CDH12: variants seen among roughly 807,000 people sequenced by gnomAD.
The protein encoded by CDH12 is cadherin-12.
CDH12 carries 41 observed loss-of-function variants against 74.1 expected under a neutral mutation model. That is an observed-to-expected ratio of 0.55 (90% CI 0.43 to 0.72). The LOEUF (loss-of-function observed/expected upper bound fraction) is 0.72. Among genes scored for constraint, CDH12 ranks in the 30% least tolerant of loss-of-function variants. CDH12 has a pLI of 0.00. For missense variants in CDH12, 945 were observed against 977.2 expected (o/e 0.97, Z 0.44); for synonymous variants, 399 against 355.0 (o/e 1.12, Z -1.39).
intron 3 of CDH12, among the ~76,000 whole-genome samples, chr5:22,376,231 C>T (rs2126363586): frequency 6.6e-6 from 1 of 152,134 alleles, no homozygotes; most frequent in African/African-American, 2.4e-5. Flanking sequence ...TTGTCACTCA[C>T]ATGTGGGAGT....
At chr5:22,164,417 T>C (rs189132778) in intron 4 of CDH12, among the ~76,000 whole-genome samples, 11,273 of 152,268 alleles carry the variant, frequency 0.074, 499 homozygotes, top group South Asian at 0.15. Context: ...GGCGCCTCGC[T>C]GAATCAGGAG....
intron 7 of CDH12, among the ~76,000 whole-genome samples, chr5:21,848,016 A>C (rs10473562): frequency 0.13 from 20,257 of 152,098 alleles, 1,484 homozygotes; most frequent in African/African-American, 0.2. Context: ...TTAGTAAAAT[A>C]AATAAAGTAG....
chr5:21,824,238 G>T (rs6452004), intron 8 of CDH12, among the ~76,000 whole-genome samples: 36,574 of 151,806 alleles, frequency 0.24, 5,006 homozygotes, highest in East Asian at 0.4. Flanking sequence ...TTCCTGGGGT[G>T]TTTTCACCTC....
At chr5:22,852,901 A>T (rs958797523) in intron 1 of CDH12, among the ~76,000 whole-genome samples, 157 bp downstream of exon 1, 5 of 152,180 alleles carry the variant, frequency 3.3e-5, no homozygotes, top group Non-Finnish European at 5.9e-5. Context: ...AAAACCACGC[A>T]CAAGCTCCTA....
chr5:22,713,132 CTTTTTTTTTTTTTT>C (rs70959753), intron 1 of CDH12, among the ~76,000 whole-genome samples: 6 of 61,160 alleles, frequency 9.8e-5, no homozygotes, highest in African/African-American at 1.9e-4. Context: ...TATGCTAATT[CTTTTTTTTTTTTTT>C]TTTTTTTTTT....
chr5:22,542,290 T>C (rs2126720646), intron 1 of CDH12, among the ~76,000 whole-genome samples: 1 of 152,304 alleles, frequency 6.6e-6, no homozygotes, highest in East Asian at 1.9e-4. Flanking sequence ...TTTAAAAAAT[T>C]GGTCAGTAAT....
intron 3 of CDH12, among the ~76,000 whole-genome samples, chr5:22,395,360 G>A (rs1365353372): frequency 1.3e-5 from 2 of 152,110 alleles, no homozygotes; most frequent in Admixed American, 6.6e-5. Flanking sequence ...GCGTCTGGAG[G>A]CATTGAGGCC....
At chr5:22,703,446 A>AAAAAC (rs1742823243) in intron 1 of CDH12, among the ~76,000 whole-genome samples, 1 of 152,142 alleles carries the variant, frequency 6.6e-6, no homozygotes, top group Non-Finnish European at 1.5e-5. Flanking sequence ...TTGTTTTTTG[A>AAAAAC]ATCTTTGTTA....
intron 4 of CDH12, among the ~76,000 whole-genome samples, chr5:22,140,434 TA>T (rs1417253840): frequency 7.0e-6 from 1 of 141,906 alleles, no homozygotes; most frequent in Non-Finnish European, 1.6e-5. Flanking sequence ...TTTAAAAGTG[TA>T]TAAAGTAAAA....
intron 3 of CDH12, among the ~76,000 whole-genome samples, chr5:22,226,800 A>G (rs1008288497): frequency 1.3e-5 from 2 of 152,266 alleles, no homozygotes; most frequent in East Asian, 1.9e-4. Context: ...TATCCAGCAC[A>G]TAATATATAA....
At chr5:22,400,935 T>C (rs990279210) in intron 3 of CDH12, among the ~76,000 whole-genome samples, 1 of 152,154 alleles carries the variant, frequency 6.6e-6, no homozygotes, top group Non-Finnish European at 1.5e-5. Context: ...CTACGTAAGA[T>C]GATTGATATA....
At chr5:21,778,479 A>C (rs1200276899) in intron 11 of CDH12, among the ~76,000 whole-genome samples, 1 of 150,372 alleles carries the variant, frequency 6.7e-6, no homozygotes, top group South Asian at 2.1e-4. Flanking sequence ...AAAAAAAAAA[A>C]AAAAAAAAAA....
chr5:22,852,468 A>C (rs1009790313), intron 1 of CDH12, among the ~76,000 whole-genome samples: 14 of 152,226 alleles, frequency 9.2e-5, no homozygotes, highest in Non-Finnish European at 2.9e-5. Context: ...AACCCACAGC[A>C]GATCTGGTAA....
chr5:22,082,650 T>G (rs1335553082), intron 4 of CDH12, among the ~76,000 whole-genome samples: 1 of 152,164 alleles, frequency 6.6e-6, no homozygotes, highest in Non-Finnish European at 1.5e-5. Flanking sequence ...TGACGCAGGA[T>G]AAGGGGTGAC....
At chr5:21,834,976 G>C (rs1749449111) in intron 8 of CDH12, among the ~76,000 whole-genome samples, 1 of 151,860 alleles carries the variant, frequency 6.6e-6, no homozygotes, top group Non-Finnish European at 1.5e-5. Flanking sequence ...ACTTAAGAGA[G>C]CATACTGGAG....
At chr5:22,689,881 T>G (rs1029400800) in intron 1 of CDH12, among the ~76,000 whole-genome samples, 2 of 152,008 alleles carry the variant, frequency 1.3e-5, no homozygotes, top group African/African-American at 2.4e-5. Flanking sequence ...ATAATAAAAT[T>G]TATTTTGTGA....
At chr5:22,207,616 T>G (rs1424468921) in intron 4 of CDH12, among the ~76,000 whole-genome samples, 1 of 152,134 alleles carries the variant, frequency 6.6e-6, no homozygotes, top group Non-Finnish European at 1.5e-5. Context: ...TAAGAAAGAG[T>G]CAAAGTAAAG....
At chr5:22,521,876 A>C (rs1401472455) in intron 1 of CDH12, among the ~76,000 whole-genome samples, 1 of 152,188 alleles carries the variant, frequency 6.6e-6, no homozygotes, top group African/African-American at 2.4e-5. Context: ...CTCCAAATAG[A>C]GTTTCCTACC....
chr5:22,366,021 C>G (rs1267303812), intron 3 of CDH12, among the ~76,000 whole-genome samples: 1 of 152,034 alleles, frequency 6.6e-6, no homozygotes, highest in Non-Finnish European at 1.5e-5. Context: ...TACAGTGGTG[C>G]GATCTTGGCT....
Sources: gnomAD v4.1 joint callset for allele counts (sites outside exome capture counted in the v4.1 genomes callset) on GRCh38, gnomAD v4.1.1 for gene constraint, MANE v1.5 for transcripts, NCBI Gene and HGNC (gene_info 2026-07-23, HGNC 2026-07-21) for gene names.